Variants in TAFA1 observed in about 807,000 individuals in gnomAD.
TAFA1 encodes the protein chemokine-like protein TAFA-1.
Under a neutral mutation model 18.5 loss-of-function variants are expected in TAFA1, and 4 were observed. That is an observed-to-expected ratio of 0.22 (90% CI 0.11 to 0.49). TAFA1 has a LOEUF of 0.49. Ranked by LOEUF, TAFA1 falls within the 20% of genes least tolerant of loss-of-function variation. The pLI is 0.98. For synonymous variants in TAFA1, 56 were observed against 55.2 expected (o/e 1.01, Z -0.06); for missense variants, 147 against 169.0 (o/e 0.87, Z 0.72).
At chr3:68,367,119 T>C (rs1251187427) in intron 2 of TAFA1, among the ~76,000 whole-genome samples, 1 of 152,224 alleles carries the variant, frequency 6.6e-6, no homozygotes, top group African/African-American at 2.4e-5. Context: ...GATTACCTCA[T>C]GCAAAGCAAT....
At position 68,538,769 on chromosome 3, in the gene TAFA1, TG is replaced by T; in HGVS notation, c.276del (p.Lys93AsnfsTer10). On this transcript the variant is annotated frameshift_variant, in exon 4 of 5. Transcript: ENST00000478136. LOFTEE classifies it high-confidence loss of function. ...PSCVDASIVI[G>X]KWWCEMEPCL... is the part of the protein sequence containing the mutation. ...GTTTCTGCACAGCCTCCATAGTGAT[TG>T]GGAAATGGTGGTGTGAGATGGAGCC... The T allele has an allele frequency of 6.2e-7, 1 of 1,613,414 alleles. No homozygotes were observed. The highest frequency in any genetic ancestry group is 8.5e-7 in the Non-Finnish European group (1 of 1,179,604).
chr3:68,132,632 A>G (rs2065555604), intron 2 of TAFA1, among the ~76,000 whole-genome samples: 1 of 152,132 alleles, frequency 6.6e-6, no homozygotes, highest in Admixed American at 6.5e-5. Context: ...ACCAGTGATG[A>G]TGAGCTTTTT....
intron 2 of TAFA1, among the ~76,000 whole-genome samples, chr3:68,355,349 C>G (rs2069341346): frequency 6.6e-6 from 1 of 151,944 alleles, no homozygotes; most frequent in Non-Finnish European, 1.5e-5. Context: ...CAAATGGTAG[C>G]TTCCCCACTT....
chr3:68,347,224 C>T (rs1037902640), intron 2 of TAFA1, among the ~76,000 whole-genome samples: 2 of 152,208 alleles, frequency 1.3e-5, no homozygotes, highest in Non-Finnish European at 2.9e-5. Context: ...TCCGCAAATA[C>T]TAGTTGTCTG....
intron 2 of TAFA1, among the ~76,000 whole-genome samples, chr3:68,044,173 C>T (rs1043263037): frequency 1.6e-4 from 24 of 152,186 alleles, no homozygotes; most frequent in Non-Finnish European, 3.2e-4. Flanking sequence ...AATTCAACTT[C>T]TCTCCTAGTT....
At chr3:68,498,421 G>A (rs1182015406) in intron 3 of TAFA1, among the ~76,000 whole-genome samples, 1 of 152,124 alleles carries the variant, frequency 6.6e-6, no homozygotes, top group Admixed American at 6.6e-5. Flanking sequence ...AACGTAAGCT[G>A]GGGGCTAAGA....
chr3:68,232,060 T>C (rs776717579), intron 2 of TAFA1, among the ~76,000 whole-genome samples: 1 of 152,174 alleles, frequency 6.6e-6, no homozygotes, highest in Non-Finnish European at 1.5e-5. Flanking sequence ...TATCATTTCT[T>C]TGTGCTGTGA....
At chr3:68,155,681 C>G (rs1399303692) in intron 2 of TAFA1, among the ~76,000 whole-genome samples, 1 of 152,002 alleles carries the variant, frequency 6.6e-6, no homozygotes, top group African/African-American at 2.4e-5. Context: ...ACAAATCATT[C>G]CATCCATAAA....
chr3:68,450,822 A>G (rs1260188033), intron 3 of TAFA1, among the ~76,000 whole-genome samples: 1 of 152,190 alleles, frequency 6.6e-6, no homozygotes, highest in Non-Finnish European at 1.5e-5. Context: ...GTAGTCATGT[A>G]GCAAGTGTTA....
At chr3:68,016,827 T>A (rs1291847995) in intron 2 of TAFA1, among the ~76,000 whole-genome samples, 1 of 152,224 alleles carries the variant, frequency 6.6e-6, no homozygotes, top group Non-Finnish European at 1.5e-5. Flanking sequence ...TTATCTTATT[T>A]TTTGGTTCAT....
intron 3 of TAFA1, among the ~76,000 whole-genome samples, chr3:68,504,786 C>A (rs1575931625): frequency 6.6e-6 from 1 of 152,108 alleles, no homozygotes; most frequent in Non-Finnish European, 1.5e-5. Context: ...AAGTAAAAGT[C>A]TCTCCAAAAG....
intron 2 of TAFA1, among the ~76,000 whole-genome samples, chr3:68,079,333 G>A (rs1476769018): frequency 6.6e-6 from 1 of 152,084 alleles, no homozygotes; most frequent in East Asian, 1.9e-4. Flanking sequence ...TCTGATTTTA[G>A]TTAGTTCTTG....
intron 2 of TAFA1, among the ~76,000 whole-genome samples, chr3:68,412,588 C>A (rs2070737781): frequency 6.6e-6 from 1 of 152,114 alleles, no homozygotes; most frequent in South Asian, 2.1e-4. Context: ...CAAGTGTTCT[C>A]ATTGTTCAAT....
intron 2 of TAFA1, among the ~76,000 whole-genome samples, chr3:68,308,585 C>G (rs1374925973): frequency 6.6e-6 from 1 of 152,132 alleles, no homozygotes; most frequent in Non-Finnish European, 1.5e-5. Flanking sequence ...CTACTTTGTT[C>G]ATGTAAAACT....
intron 2 of TAFA1, among the ~76,000 whole-genome samples, chr3:68,015,211 A>G (rs753357439): frequency 6.6e-6 from 1 of 152,178 alleles, no homozygotes; most frequent in Non-Finnish European, 1.5e-5. Context: ...CTTTGATATA[A>G]TGAAGACAAT....
intron 2 of TAFA1, among the ~76,000 whole-genome samples, chr3:68,036,837 C>T (rs1705060309): frequency 6.6e-6 from 1 of 152,214 alleles, no homozygotes; most frequent in Non-Finnish European, 1.5e-5. Context: ...GGCAATTCCT[C>T]TCATTTCGTT....
At chr3:68,488,556 G>C (rs565762350) in intron 3 of TAFA1, among the ~76,000 whole-genome samples, 12 of 152,304 alleles carry the variant, frequency 7.9e-5, no homozygotes, top group African/African-American at 2.9e-4. Flanking sequence ...AAACTCTGGA[G>C]TCCTATTTGG....
chr3:68,324,538 G>C (rs116158215), intron 2 of TAFA1, among the ~76,000 whole-genome samples: 1,653 of 152,268 alleles, frequency 0.011, 41 homozygotes, highest in African/African-American at 0.037. Flanking sequence ...TTTGTTGTAG[G>C]ATTTGGCTTG....
At chr3:68,422,270 T>C (rs1456707342) in intron 3 of TAFA1, among the ~76,000 whole-genome samples, 1 of 152,156 alleles carries the variant, frequency 6.6e-6, no homozygotes, top group Admixed American at 6.6e-5. Flanking sequence ...CCACCATTTA[T>C]TTAACTATCC....
Sources: allele counts gnomAD v4.1 joint callset (sites outside exome capture counted in the v4.1 genomes callset), GRCh38; gene constraint gnomAD v4.1.1; transcripts MANE v1.5; gene names NCBI Gene and HGNC (gene_info 2026-07-23, HGNC 2026-07-21).